The following CCDC57 variants were observed in gnomAD, a reference collection of about 807,000 sequenced individuals.
The protein encoded by CCDC57 is coiled-coil domain containing 57, also known as coiled-coil domain-containing protein 57.
Under a neutral mutation model 118.9 loss-of-function variants are expected in CCDC57, and 118 were observed. That is an observed-to-expected ratio of 0.99 (90% confidence interval 0.86 to 1.16). The LOEUF (loss-of-function observed/expected upper bound fraction) is 1.16, where lower values mean the gene tolerates loss of function less well. Ranked by LOEUF, CCDC57 falls within the 50% of genes most tolerant of loss-of-function variation. CCDC57 has a pLI of 0.00. For missense variants in CCDC57, 1,300 were observed against 1,320.7 expected (o/e 0.98, Z 0.24); for synonymous variants, 527 against 532.9 (o/e 0.99, Z 0.15).
Position 82,201,724 on chromosome 17 carries a change from T to C in CCDC57, c.221A>G (p.Tyr74Cys), listed in dbSNP as rs747068516. Reference sequence around the variant, plus strand: ...CCTGGCCTGGGCGAAGGCGGCGTCATAGCGCTCCAGCTCGAGGTCCCGCTC... The same window carrying C: ...CCTGGCCTGGGCGAAGGCGGCGTCACAGCGCTCCAGCTCGAGGTCCCGCTC... The change falls in exon 3 of 20, where the codon TAT becomes TGT. Residue 74 changes from tyrosine to cysteine, a missense_variant. Coordinates refer to ENST00000665763, the Ensembl canonical transcript of CCDC57. The C allele has an allele frequency of 5.0e-6, 8 of 1,613,886 alleles. No individual in the cohort carries two copies. In the South Asian group the frequency reaches 8.8e-5, roughly 18 times the overall value.
At chr17:82,107,367 G>GTGGGAGT (rs747534185) in intron 19 of CCDC57, 17 of 287,722 alleles carry the variant, frequency 5.9e-5, no homozygotes, top group South Asian at 3.2e-4. Context: ...CACAGATGCC[G>GTGGGAGT]CGGGAGTGGG....
At chr17:82,206,142 C>CT (rs1185067859) in intron 2 of CCDC57, among the ~76,000 whole-genome samples, 3 of 152,376 alleles carry the variant, frequency 2.0e-5, no homozygotes, top group Non-Finnish European at 4.4e-5. Context: ...CGTTCACCCT[C>CT]TTTCAGGAGA....
At chr17:82,159,994 T>A (rs2043124722) in intron 14 of CCDC57, 1 of 145,078 alleles carries the variant, frequency 6.9e-6, no homozygotes, top group Non-Finnish European at 1.5e-5. Flanking sequence ...AATCAATCCA[T>A]CAAACATCTT....
intron 2 of CCDC57, among the ~76,000 whole-genome samples, chr17:82,204,338 C>G (rs1172225733): frequency 6.6e-6 from 1 of 152,182 alleles, no homozygotes; most frequent in East Asian, 1.9e-4. Flanking sequence ...ACAACGGCCC[C>G]ACCGTCCACC....
intron 9 of CCDC57, among the ~76,000 whole-genome samples, chr17:82,181,308 G>C (rs1016997608): frequency 6.6e-6 from 1 of 152,252 alleles, no homozygotes; most frequent in South Asian, 2.1e-4. Flanking sequence ...CAGGGCGGCC[G>C]GCGGAGCATC....
Position 82,114,751 on chromosome 17 carries a change from A to T in CCDC57, c.2900-12885T>A, listed in dbSNP as rs531979170. Among the ~76,000 whole-genome samples the T allele has an allele frequency of 7.9e-5, 12 of 152,316 alleles. No individual in the cohort carries two copies. The South Asian group carries it at 2.3e-3, about 29-fold the overall frequency. On this transcript the variant is annotated intron_variant, in intron 19 of 19. Coordinates refer to ENST00000665763, the Ensembl canonical transcript of CCDC57. ...CACTGGAGCCCACCAAACCTCTAAA[A>T]TTGTAAACATGACTCTTAGCTGGAG... is the stretch of plus-strand genomic sequence containing the variant.
chr17:82,199,814 T>C (rs918021378), intron 3 of CCDC57, among the ~76,000 whole-genome samples: 2 of 151,982 alleles, frequency 1.3e-5, no homozygotes. Flanking sequence ...CCAGCTCAAC[T>C]CTCTCTTTCC....
At chr17:82,113,443 G>A in intron 19 of CCDC57, 2 of 717,656 alleles carry the variant, frequency 2.8e-6, no homozygotes, top group South Asian at 1.5e-5. Context: ...AGAAACAAGA[G>A]AGCAGGGTCC....
At chr17:82,211,004 A>G (rs1332093602) in intron 1 of CCDC57, among the ~76,000 whole-genome samples, 1 of 61,984 alleles carries the variant, frequency 1.6e-5, no homozygotes, top group Non-Finnish European at 2.9e-5. Flanking sequence ...AAAAAAAAAA[A>G]AAAAAGAAAA....
rs1220147978 is a variant in CCDC57 at position 82,212,373 on chromosome 17, G to A, written c.-211+412C>T. On this transcript the variant is annotated intron_variant, in intron 1 of 19. Transcript: ENST00000665763. This position sits in a 1 kb window ranked among gnomAD's most constrained non-coding sequence, Gnocchi z 4.1. Reference sequence around the variant, plus strand: ...TGCTGGATTACAGGCGCGAACCACCGCCTCCGGCCTTTTTTTTTCCTCTCT... The same window carrying A: ...TGCTGGATTACAGGCGCGAACCACCACCTCCGGCCTTTTTTTTTCCTCTCT... Among the ~76,000 whole-genome samples, 2 of 149,076 alleles carry A rather than the reference G, an allele frequency of 1.3e-5. No homozygotes were observed. The highest frequency in any genetic ancestry group is 3.0e-5 in the Non-Finnish European group (2 of 67,530).
At chr17:82,132,766 T>TTC in intron 17 of CCDC57, among the ~76,000 whole-genome samples, 1 of 148,070 alleles carries the variant, frequency 6.8e-6, no homozygotes, top group Non-Finnish European at 1.5e-5. Context: ...TTGCTTTTTT[T>TTC]TTTTTTTTTT....
chr17:82,133,431 CAAAAAAAAAAAAAAAAA>C (rs71166189), intron 17 of CCDC57, among the ~76,000 whole-genome samples: 9 of 38,400 alleles, frequency 2.3e-4, no homozygotes, highest in Non-Finnish European at 3.9e-4. Flanking sequence ...GGCCCTGTCT[CAAAAAAAAAAAAAAAAA>C]AAAAAAATAG....
chr17:82,201,680 G>T (rs759931984), exon 3 of CCDC57: 2 of 1,613,274 alleles, frequency 1.2e-6, no homozygotes, highest in Non-Finnish European at 1.7e-6. Context: ...ACCTCTGCCC[G>T]CCTGGCCTCT....
intron 5 of CCDC57, 126 bp from the exon 5 acceptor site, chr17:82,194,265 A>C (rs1032058056): frequency 2.0e-6 from 2 of 979,750 alleles, no homozygotes; most frequent in Non-Finnish European, 3.0e-6. Flanking sequence ...AGAAGCAGTA[A>C]AACAGTGAGA....
At chr17:82,149,848 CGCACACCCGGAACCAGGA>C (rs1018346663) in intron 16 of CCDC57, among the ~76,000 whole-genome samples, 3 of 147,922 alleles carry the variant, frequency 2.0e-5, no homozygotes, top group Admixed American at 6.7e-5. Context: ...CAGAACCTGG[CGCACACCCGGAACCAGGA>C]GCACACCCAG....
chr17:82,161,735 A>C (rs1297346905), intron 14 of CCDC57, among the ~76,000 whole-genome samples: 1 of 152,154 alleles, frequency 6.6e-6, no homozygotes, highest in Non-Finnish European at 1.5e-5. Context: ...AGAAGCTGGG[A>C]AGCAGGGAAG....
chr17:82,180,313 C>T (rs140298147), intron 9 of CCDC57, among the ~76,000 whole-genome samples: 1 of 152,270 alleles, frequency 6.6e-6, no homozygotes, highest in Non-Finnish European at 1.5e-5. Context: ...AGAGGCAGGC[C>T]TGGCCATCAT....
intron 2 of CCDC57, chr17:82,207,641 TA>T (rs1183999790): frequency 1.3e-5 from 2 of 152,198 alleles, no homozygotes; most frequent in Non-Finnish European, 2.9e-5. Context: ...AAGTTATCCT[TA>T]AAAACTCTGA....
At chr17:82,126,833 T>A (rs890449255) in intron 19 of CCDC57, 10 of 985,296 alleles carry the variant, frequency 1.0e-5, no homozygotes, top group Non-Finnish European at 1.2e-5. Context: ...AAAATGCGCA[T>A]GAAGGAGAGA....
Sources: gnomAD v4.1 joint callset for allele counts (sites outside exome capture counted in the v4.1 genomes callset) on GRCh38, gnomAD v4.1.1 for gene constraint, Gnocchi (gnomAD v3.1) non-coding constraint, MANE v1.5 for transcripts, NCBI Gene and HGNC (gene_info 2026-07-23, HGNC 2026-07-21) for gene names.